The following MCU variants were observed in gnomAD, a reference collection of about 807,000 sequenced individuals.
MCU encodes mitochondrial calcium uniporter.
Under a neutral mutation model 45.2 loss-of-function variants are expected in MCU, and 12 were observed. The ratio of observed to expected loss-of-function variants is 0.27; its 90% confidence interval spans 0.17 to 0.43. The LOEUF (loss-of-function observed/expected upper bound fraction) is 0.43, where lower values mean the gene tolerates loss of function less well. Among genes scored for constraint, MCU ranks in the 20% least tolerant of loss-of-function variants. The pLI is 1.00. For synonymous variants in MCU, 160 were observed against 165.1 expected (o/e 0.97, Z 0.24); for missense variants, 324 against 436.7 (o/e 0.74, Z 2.30).
Position 72,834,348 on chromosome 10 carries a change from G to A in MCU, c.151-11G>A, listed in dbSNP as rs766317437. On this transcript the variant is annotated splice_polypyrimidine_tract_variant and intron_variant, in intron 1 of 7. Transcript: ENST00000373053. ...CATTCTGACAGTAGATGTATCTTTT[G>A]TGTTTTCTAGGTACACCAGAGGATC... is the stretch of plus-strand genomic sequence containing the variant. 2 of 1,610,416 alleles carry A rather than the reference G, an allele frequency of 1.2e-6. No individual in the cohort carries two copies. The highest frequency in any genetic ancestry group is 1.6e-4 in the Middle Eastern group (1 of 6,074).
intron 2 of MCU, among the ~76,000 whole-genome samples, chr10:72,847,817 G>T (rs1433541544): frequency 6.6e-6 from 1 of 152,136 alleles, no homozygotes; most frequent in Admixed American, 6.5e-5. Flanking sequence ...CTTGACTGAG[G>T]CCGGAAGATC....
At chr10:72,838,298 C>T (rs1173204816) in intron 2 of MCU, among the ~76,000 whole-genome samples, 2 of 152,132 alleles carry the variant, frequency 1.3e-5, no homozygotes, top group African/African-American at 2.4e-5. Flanking sequence ...GAAATGTAAT[C>T]CTACTCAATT....
At chr10:72,802,630 T>A (rs1014148265) in intron 1 of MCU, among the ~76,000 whole-genome samples, 13 of 152,242 alleles carry the variant, frequency 8.5e-5, no homozygotes, top group Admixed American at 7.2e-4. Context: ...CTTGCTGAAA[T>A]ATATTCAGTG....
chr10:72,847,461 C>CA (rs1449913081), intron 2 of MCU, among the ~76,000 whole-genome samples: 2 of 152,012 alleles, frequency 1.3e-5, no homozygotes, highest in Non-Finnish European at 2.9e-5. Context: ...AGCCCCCAGT[C>CA]AAAAGCCAGA....
At chr10:72,885,025 C>T (rs1022420217) in intron 7 of MCU, among the ~76,000 whole-genome samples, 2 of 152,178 alleles carry the variant, frequency 1.3e-5, no homozygotes, top group South Asian at 2.1e-4. Flanking sequence ...TTTCCATCCT[C>T]TTTAATGTTT....
chr10:72,841,410 G>A (rs1164366426), intron 2 of MCU, among the ~76,000 whole-genome samples: 1 of 151,976 alleles, frequency 6.6e-6, no homozygotes, highest in Non-Finnish European at 1.5e-5. Context: ...TGATTCTCCT[G>A]CCTCAGCCTC....
chr10:72,704,704 ATTTTTTTTTTTTTTTT>A (rs1162093579), intron 1 of MCU, among the ~76,000 whole-genome samples: 1 of 106,746 alleles, frequency 9.4e-6, no homozygotes, highest in Non-Finnish European at 1.8e-5. Flanking sequence ...TGCCTGGATA[ATTTTTTTTTTTTTTTT>A]TTTTTTTTTT....
intron 1 of MCU, among the ~76,000 whole-genome samples, chr10:72,806,303 A>G (rs1433407962): frequency 6.6e-6 from 1 of 152,062 alleles, no homozygotes; most frequent in Non-Finnish European, 1.5e-5. Flanking sequence ...GATTACAGGC[A>G]TGCACCACCA....
rs751827605 is a variant in MCU at position 72,859,265 on chromosome 10, T to C, written c.309T>C (p.Pro103=). The change falls in exon 3 of 8, where the codon CCT becomes CCC. Residue 103 remains proline (P), a synonymous_variant. Coordinates refer to ENST00000373053, the MANE Select transcript of MCU (RefSeq NM_138357.3). The part of the protein sequence containing the change: ...RRERCQFTLK[P]ISDSVGVFLR... ...AACGCTGTCAGTTCACACTCAAGCC[T>C]ATCTCTGACTCTGTTGGTGTATTTT... 4.4e-5 allele frequency: 71 copies of C among 1,613,634 alleles called. No homozygotes were observed. Among genetic ancestry groups the C allele is most frequent in the Non-Finnish European group, 5.3e-5 (62 of 1,179,884 alleles).
chr10:72,795,473 G>A (rs759907741), intron 1 of MCU, among the ~76,000 whole-genome samples: 2 of 152,186 alleles, frequency 1.3e-5, no homozygotes, highest in South Asian at 2.1e-4. Flanking sequence ...TTTGAAATGT[G>A]TATATATGTA....
chr10:72,871,483 G>C lies in MCU; in HGVS notation c.764G>C (p.Trp255Ser). 6.2e-7 allele frequency: 1 copy of C among 1,614,198 alleles called. No homozygotes were observed. The highest frequency in any genetic ancestry group is 8.5e-7 in the Non-Finnish European group (1 of 1,180,038). ...TQFGILARLT[W>S]WEYSWDIMEP... ...TTTGGCATTTTGGCCCGGCTTACCTGGTGGGAATATTCCTGGGACATCATG... is the reference window on the plus strand; with the variant it reads ...TTTGGCATTTTGGCCCGGCTTACCTCGTGGGAATATTCCTGGGACATCATG... Residue 255 changes from tryptophan to serine, a missense_variant, in exon 6 of 8, where the codon TGG becomes TCG. Physicochemically the swap from Trp to Ser is radical, Grantham distance 177. Coordinates refer to ENST00000373053, the MANE Select transcript of MCU (RefSeq NM_138357.3).
At chr10:72,826,244 C>T (rs753492031) in intron 1 of MCU, among the ~76,000 whole-genome samples, 14 of 152,006 alleles carry the variant, frequency 9.2e-5, no homozygotes, top group Admixed American at 3.3e-4. Context: ...GACTACATTT[C>T]GAGTAGCCAT....
At chr10:72,705,973 A>ACT (rs36065692) in intron 1 of MCU, among the ~76,000 whole-genome samples, 7 of 151,666 alleles carry the variant, frequency 4.6e-5, no homozygotes, top group Admixed American at 2.0e-4. Flanking sequence ...ACAGAGCAAG[A>ACT]CTCTCTCTCA....
chr10:72,816,619 A>G (rs1844631405), intron 1 of MCU, among the ~76,000 whole-genome samples: 1 of 152,194 alleles, frequency 6.6e-6, no homozygotes, highest in Non-Finnish European at 1.5e-5. Context: ...TTCTATTTAA[A>G]AAATTAAAAA....
chr10:72,880,506 G>C (rs1443417188), intron 6 of MCU, among the ~76,000 whole-genome samples: 1 of 151,924 alleles, frequency 6.6e-6, no homozygotes, highest in Non-Finnish European at 1.5e-5. Context: ...AGAAATATAT[G>C]TATAAAAAAT....
At chr10:72,774,910 T>C (rs1843867518) in intron 1 of MCU, among the ~76,000 whole-genome samples, 1 of 152,156 alleles carries the variant, frequency 6.6e-6, no homozygotes, top group South Asian at 2.1e-4. Flanking sequence ...AAGCCAATGT[T>C]AGTAGATCTA....
chr10:72,704,114 T>C (rs1842790056), intron 1 of MCU, among the ~76,000 whole-genome samples: 1 of 152,184 alleles, frequency 6.6e-6, no homozygotes, highest in South Asian at 2.1e-4. Flanking sequence ...GGTGATCAGG[T>C]AGGTAACGCT....
chr10:72,694,364 C>G (rs1175277031), intron 1 of MCU, among the ~76,000 whole-genome samples: 2 of 152,132 alleles, frequency 1.3e-5, no homozygotes, highest in African/African-American at 4.8e-5. Flanking sequence ...TTAGCTAATA[C>G]GTAAGTTTTA....
intron 1 of MCU, among the ~76,000 whole-genome samples, chr10:72,757,560 A>G (rs1011587661): frequency 6.6e-6 from 1 of 151,704 alleles, no homozygotes; most frequent in African/African-American, 2.4e-5. Flanking sequence ...TTAAAAGGCC[A>G]TAAAAATTGG....
Sources: allele counts gnomAD v4.1 joint callset (sites outside exome capture counted in the v4.1 genomes callset), GRCh38; gene constraint gnomAD v4.1.1; transcripts MANE v1.5; gene names NCBI Gene and HGNC (gene_info 2026-07-23, HGNC 2026-07-21).